The following PDE10A variants were observed in gnomAD, a reference collection of about 807,000 sequenced individuals.
PDE10A encodes cAMP and cAMP-inhibited cGMP 3',5'-cyclic phosphodiesterase 10A.
PDE10A carries 39 observed loss-of-function variants against 97.7 expected under a neutral mutation model. The ratio of observed to expected loss-of-function variants is 0.40; its 90% CI spans 0.31 to 0.52. PDE10A has a LOEUF of 0.52. PDE10A is among the 20% of genes least tolerant of loss of function. The pLI, the probability that PDE10A is intolerant of heterozygous loss-of-function variation, is 0.56. For missense variants in PDE10A, 731 were observed against 1,047.8 expected, an observed-to-expected ratio of 0.70 and a Z score of 4.17; for synonymous variants, 371 against 376.8, an observed-to-expected ratio of 0.98 and a Z score of 0.18.
At chr6:165,445,952 T>A (rs1049869851) in intron 5 of PDE10A, among the ~76,000 whole-genome samples, 1 of 150,990 alleles carries the variant, frequency 6.6e-6, no homozygotes, top group African/African-American at 2.4e-5. Context: ...ATAAAACACA[T>A]AAGCAAAAAA....
At chr6:165,559,516 A>G (rs1022526738) in intron 1 of PDE10A, among the ~76,000 whole-genome samples, 14 of 152,236 alleles carry the variant, frequency 9.2e-5, no homozygotes, top group Non-Finnish European at 1.6e-4. Flanking sequence ...ACAATTTGAA[A>G]CATGAGAATA....
chr6:165,461,804 G>T (rs1583329018), intron 3 of PDE10A, among the ~76,000 whole-genome samples: 1 of 152,208 alleles, frequency 6.6e-6, no homozygotes, highest in Admixed American at 6.5e-5. Context: ...GGCCTCAAAC[G>T]CAGATACAGC....
At chr6:165,664,641 G>C (rs1458772385), upstream of PDE10A, among the ~76,000 whole-genome samples, 2 of 152,150 alleles carry the variant, frequency 1.3e-5, no homozygotes, top group African/African-American at 4.8e-5. Context: ...GTTGAGCCAG[G>C]CTGCCGGCAG....
chr6:165,952,519 A>G (rs1783996332), intron 1 of PDE10A, among the ~76,000 whole-genome samples: 2 of 152,254 alleles, frequency 1.3e-5, no homozygotes, highest in South Asian at 4.1e-4. Flanking sequence ...TGCAGACTCT[A>G]TTAGTGTTGA....
chr6:165,667,428 G>A (rs1790525089), upstream of PDE10A, among the ~76,000 whole-genome samples: 1 of 151,984 alleles, frequency 6.6e-6, no homozygotes, highest in Admixed American at 6.6e-5. Flanking sequence ...ATGTTTTAAA[G>A]CAAGTAAAAA....
chr6:165,479,396 CA>C lies in PDE10A; in HGVS notation c.1023+2918del, dbSNP rs199568623. 4.9e-3 allele frequency among the ~76,000 whole-genome samples: 749 copies of C among 152,306 alleles called. 3 individuals are homozygous for C. The highest frequency in any genetic ancestry group is 0.017 in the African/African-American group (710 of 41,572). ...CGCATGACTCACTCTGCACCTGTCA[CA>C]ATGGCCTACCTCAGGGCCTCTGCAG... On this transcript the variant is annotated intron_variant, in intron 3 of 21. Coordinates refer to ENST00000539869, the MANE Select transcript of PDE10A (RefSeq NM_001385079.1).
intron 1 of PDE10A, among the ~76,000 whole-genome samples, chr6:165,844,343 T>C (rs1003281592): frequency 2.0e-5 from 3 of 152,178 alleles, no homozygotes; most frequent in Admixed American, 2.0e-4. Flanking sequence ...AGATTCAAGT[T>C]CTGTAAGCAC....
chr6:165,576,965 C>G (rs556789329), intron 1 of PDE10A, among the ~76,000 whole-genome samples: 45 of 152,334 alleles, frequency 3.0e-4, no homozygotes, highest in African/African-American at 1.0e-3. Context: ...AGCTCTCACA[C>G]AGAAAAGTCC....
chr6:165,469,749 A>C (rs1778877759), intron 3 of PDE10A, among the ~76,000 whole-genome samples: 1 of 152,192 alleles, frequency 6.6e-6, no homozygotes, highest in African/African-American at 2.4e-5. Context: ...ACTTTACCTT[A>C]CTGGAACACT....
At chr6:165,630,874 G>A (rs1222197960) in intron 1 of PDE10A, among the ~76,000 whole-genome samples, 1 of 152,152 alleles carries the variant, frequency 6.6e-6, no homozygotes, top group African/African-American at 2.4e-5. Context: ...AAATATTAGA[G>A]AGACTGAACA....
At chr6:165,381,180 G>C (rs971665452) in intron 17 of PDE10A, among the ~76,000 whole-genome samples, 1 of 152,084 alleles carries the variant, frequency 6.6e-6, no homozygotes, top group Admixed American at 6.5e-5. Flanking sequence ...ATTCTGTAGG[G>C]GGACAAAAGA....
chr6:165,543,871 C>CGTGTGT lies in PDE10A; in HGVS notation c.866-309_866-304dup, dbSNP rs375765109. Among the ~76,000 whole-genome samples, 919 of 149,930 alleles carry CGTGTGT rather than the reference C, an allele frequency of 6.1e-3. 12 individuals carry two copies. The highest frequency in any genetic ancestry group is 0.02 in the African/African-American group (809 of 41,044). ...AAAAAAACACCATTTTTCATATATA[C>CGTGTGT]GTGTGTGTGTGTGTGTGTGTATGAC... On this transcript the variant is annotated intron_variant, in intron 1 of 21. Transcript: ENST00000539869.
At chr6:165,922,376 T>G (rs1782781587) in intron 1 of PDE10A, among the ~76,000 whole-genome samples, 1 of 152,152 alleles carries the variant, frequency 6.6e-6, no homozygotes, top group South Asian at 2.1e-4. Context: ...TGTCCGCTCC[T>G]CTTACACAAA....
chr6:165,694,923 G>C (rs1463812665), intron 1 of PDE10A, among the ~76,000 whole-genome samples: 1 of 152,134 alleles, frequency 6.6e-6, no homozygotes, highest in African/African-American at 2.4e-5. Flanking sequence ...GTCTTCCGTA[G>C]CCTTCAATTC....
At chr6:165,805,346 T>C (rs1779105589) in intron 1 of PDE10A, among the ~76,000 whole-genome samples, 1 of 152,004 alleles carries the variant, frequency 6.6e-6, no homozygotes, top group Non-Finnish European at 1.5e-5. Flanking sequence ...GCGTCACTTC[T>C]CTCCCAGGGC....
chr6:165,826,384 T>C (rs528553066), intron 1 of PDE10A, among the ~76,000 whole-genome samples: 7 of 129,278 alleles, frequency 5.4e-5, no homozygotes, highest in South Asian at 3.0e-4. Context: ...CCCTCTGTCC[T>C]CATGTCCCTC....
Position 165,395,822 on chromosome 6 carries a change from T to C in PDE10A, c.2219+495A>G, listed in dbSNP as rs574979883. On this transcript the variant is annotated intron_variant, in intron 14 of 21. Transcript: ENST00000539869. ...CACTTCTGAAGGTTTCCTATGTAGATAGTGTTGGCTTACACTTACAATAAA... is the reference window on the plus strand; with the variant it reads ...CACTTCTGAAGGTTTCCTATGTAGACAGTGTTGGCTTACACTTACAATAAA... Among the ~76,000 whole-genome samples, 5 of 152,300 alleles carry C rather than the reference T, an allele frequency of 3.3e-5. No homozygotes were observed. The East Asian group carries it at 7.7e-4, about 24-fold the overall frequency.
intron 1 of PDE10A, among the ~76,000 whole-genome samples, chr6:165,774,666 G>T (rs1778116336): frequency 6.7e-6 from 1 of 148,972 alleles, no homozygotes; most frequent in Admixed American, 6.7e-5. Context: ...CTAGCTGATA[G>T]TTACTGCTTC....
At chr6:165,446,134 A>G (rs1790832160) in intron 5 of PDE10A, among the ~76,000 whole-genome samples, 1 of 152,228 alleles carries the variant, frequency 6.6e-6, no homozygotes, top group Non-Finnish European at 1.5e-5. Context: ...CAGTATCTTT[A>G]TTTTAGTCAA....
Sources: allele counts gnomAD v4.1 joint callset (sites outside exome capture counted in the v4.1 genomes callset), GRCh38; gene constraint gnomAD v4.1.1; transcripts MANE v1.5; gene names NCBI Gene and HGNC (gene_info 2026-07-23, HGNC 2026-07-21).